The following ARHGAP24 variants were observed in gnomAD, a reference collection of about 807,000 sequenced individuals.
The protein encoded by ARHGAP24 is rho GTPase-activating protein 24.
Under a neutral mutation model 76.4 loss-of-function variants are expected in ARHGAP24, and 50 were observed. The observed-to-expected ratio is 0.65, with a 90% CI of 0.52 to 0.83. The LOEUF is 0.83. Ranked by LOEUF, ARHGAP24 falls within the 40% of genes least tolerant of loss-of-function variation. The pLI is 0.00. For missense variants in ARHGAP24, 930 were observed against 914.2 expected, an observed-to-expected ratio of 1.02 and a Z score of -0.22; for synonymous variants, 345 against 323.3, an observed-to-expected ratio of 1.07 and a Z score of -0.72.
chr4:85,623,612 T>A (rs1037974548), intron 2 of ARHGAP24, among the ~76,000 whole-genome samples: 42 of 152,044 alleles, frequency 2.8e-4, no homozygotes, highest in Admixed American at 1.2e-3. Flanking sequence ...AAGTAGTTTT[T>A]TCCAATTCTG....
At chr4:85,570,072 C>T (rs1727019419) in intron 1 of ARHGAP24, among the ~76,000 whole-genome samples, 1 of 152,224 alleles carries the variant, frequency 6.6e-6, no homozygotes, top group African/African-American at 2.4e-5. Flanking sequence ...CACATTACCT[C>T]TAGAACTTAC....
At chr4:85,903,610 T>C (rs554568452) in intron 3 of ARHGAP24, among the ~76,000 whole-genome samples, 2 of 152,016 alleles carry the variant, frequency 1.3e-5, no homozygotes, top group Non-Finnish European at 2.9e-5. Flanking sequence ...GCATTCTTTA[T>C]ATATATATAA....
intron 8 of ARHGAP24, chr4:85,990,847 T>C (rs1166118965): frequency 1.3e-5 from 2 of 152,010 alleles, no homozygotes; most frequent in Non-Finnish European, 2.9e-5. Flanking sequence ...AAAGAAATCT[T>C]ATGACGTTGT....
intron 4 of ARHGAP24, among the ~76,000 whole-genome samples, chr4:85,933,394 G>T (rs1736459268): frequency 6.6e-6 from 1 of 152,102 alleles, no homozygotes; most frequent in Non-Finnish European, 1.5e-5. Flanking sequence ...GTTTCCAGAG[G>T]CCTGGTTACA....
intron 4 of ARHGAP24, among the ~76,000 whole-genome samples, chr4:85,940,010 G>A (rs1016415996): frequency 4.6e-5 from 7 of 152,072 alleles, no homozygotes; most frequent in African/African-American, 1.7e-4. Flanking sequence ...ATTTTGTCAG[G>A]ATAGAGTTCA....
chr4:85,667,589 G>A (rs533740491), intron 2 of ARHGAP24, among the ~76,000 whole-genome samples: 25 of 152,290 alleles, frequency 1.6e-4, no homozygotes, highest in South Asian at 6.2e-4. Context: ...CATCTTCTGC[G>A]TCGCTCACGC....
intron 1 of ARHGAP24, among the ~76,000 whole-genome samples, chr4:85,510,334 A>G (rs1724227399): frequency 6.6e-6 from 1 of 152,132 alleles, no homozygotes. Flanking sequence ...TTTGCTATGC[A>G]TGCCAATGAA....
At chr4:85,943,024 TC>T (rs1221039421) in intron 5 of ARHGAP24, among the ~76,000 whole-genome samples, 5 of 152,180 alleles carry the variant, frequency 3.3e-5, no homozygotes, top group Admixed American at 3.3e-4. Context: ...TCTATAAGCC[TC>T]TTTTTAAATA....
At chr4:85,541,142 C>CTTTTT (rs70948733) in intron 1 of ARHGAP24, among the ~76,000 whole-genome samples, 7 of 49,772 alleles carry the variant, frequency 1.4e-4, no homozygotes, top group East Asian at 7.2e-4. Context: ...CATCCATGAC[C>CTTTTT]TTTTTTTTTT....
intron 3 of ARHGAP24, among the ~76,000 whole-genome samples, chr4:85,829,781 C>T (rs1332980920): frequency 1.3e-5 from 2 of 152,206 alleles, no homozygotes; most frequent in Non-Finnish European, 2.9e-5. Flanking sequence ...GGACTACAGT[C>T]TTGTATGTTC....
chr4:85,994,477 A>G (rs1294070442), intron 8 of ARHGAP24, 106 bp from the exon 9 acceptor site: 1 of 1,118,582 alleles, frequency 8.9e-7, no homozygotes, highest in African/African-American at 1.5e-5. Context: ...GGTACTGATA[A>G]TAATAATGAA....
intron 3 of ARHGAP24, among the ~76,000 whole-genome samples, chr4:85,818,688 G>T (rs977495029): frequency 2.0e-5 from 3 of 152,194 alleles, no homozygotes; most frequent in Non-Finnish European, 4.4e-5. Flanking sequence ...GGACTTTAGT[G>T]AGAAGTTGAA....
intron 3 of ARHGAP24, among the ~76,000 whole-genome samples, chr4:85,838,269 A>G (rs776659371): frequency 6.6e-6 from 1 of 152,200 alleles, no homozygotes; most frequent in Non-Finnish European, 1.5e-5. Flanking sequence ...ACTGCCTCTC[A>G]AGAGAGACAT....
At chr4:85,778,635 A>G in intron 3 of ARHGAP24, 3 of 958,982 alleles carry the variant, frequency 3.1e-6, no homozygotes, top group Non-Finnish European at 3.7e-6. Flanking sequence ...AAATGCTCAA[A>G]TACTACATTA....
chr4:85,976,427 C>G (rs1739332354), intron 7 of ARHGAP24, among the ~76,000 whole-genome samples: 1 of 152,186 alleles, frequency 6.6e-6, no homozygotes, highest in East Asian at 1.9e-4. Context: ...CCACATGACT[C>G]TCATCTGTAA....
At chr4:85,543,714 T>C (rs6828628) in intron 1 of ARHGAP24, among the ~76,000 whole-genome samples, 18,775 of 152,174 alleles carry the variant, frequency 0.12, 3,268 homozygotes, top group African/African-American at 0.39. Flanking sequence ...ATCACTAGTC[T>C]TCATATTTGA....
chr4:85,894,989 C>CA (rs1734079077), intron 3 of ARHGAP24, among the ~76,000 whole-genome samples: 1 of 17,220 alleles, frequency 5.8e-5, no homozygotes, highest in Non-Finnish European at 1.1e-4. Flanking sequence ...AAAAAAAAAA[C>CA]AAAACAAAAA....
chr4:85,773,009 C>G (rs921001513), intron 3 of ARHGAP24, among the ~76,000 whole-genome samples: 2 of 152,160 alleles, frequency 1.3e-5, no homozygotes, highest in Non-Finnish European at 2.9e-5. Context: ...GTTTCCTCGT[C>G]TGCAAATAGA....
chr4:85,693,286 A>G (rs2110019445), intron 2 of ARHGAP24, among the ~76,000 whole-genome samples: 1 of 152,198 alleles, frequency 6.6e-6, no homozygotes, highest in Admixed American at 6.5e-5. Flanking sequence ...CACTGCATCA[A>G]CATTTCTTTT....
Sources: gnomAD v4.1 joint callset for allele counts (sites outside exome capture counted in the v4.1 genomes callset) on GRCh38, gnomAD v4.1.1 for gene constraint, MANE v1.5 for transcripts, NCBI Gene and HGNC (gene_info 2026-07-23, HGNC 2026-07-21) for gene names.